The following ADCY2 variants were observed in gnomAD, a reference collection of about 807,000 sequenced individuals.
ADCY2 encodes adenylate cyclase type 2.
In ADCY2, 31 loss-of-function variants were observed where a neutral mutation model predicts 125.2. That is an observed-to-expected ratio of 0.25 (90% CI 0.19 to 0.33). ADCY2 has a LOEUF of 0.33. Ranked by LOEUF, ADCY2 falls within the 10% of genes least tolerant of loss-of-function variation. The probability of loss-of-function intolerance (pLI) is 1.00; values close to 1 mark genes in which losing one functional copy is unlikely to be tolerated. For missense variants in ADCY2, 904 were observed against 1,418.2 expected, an observed-to-expected ratio of 0.64 and a Z score of 5.82; for synonymous variants, 512 against 548.4, an observed-to-expected ratio of 0.93 and a Z score of 0.93.
intron 3 of ADCY2, among the ~76,000 whole-genome samples, chr5:7,623,698 A>G (rs1382468478): frequency 6.6e-6 from 1 of 152,220 alleles, no homozygotes; most frequent in Non-Finnish European, 1.5e-5. Context: ...GAAGACTGCC[A>G]CATTGCTCTG....
chr5:7,476,624 C>T (rs941200789), intron 2 of ADCY2, among the ~76,000 whole-genome samples: 4 of 152,090 alleles, frequency 2.6e-5, no homozygotes, highest in Non-Finnish European at 4.4e-5. Context: ...AGTGACCTGC[C>T]GATGGAGACC....
At chr5:7,438,926 C>T (rs1027058207) in intron 2 of ADCY2, among the ~76,000 whole-genome samples, 2 of 152,080 alleles carry the variant, frequency 1.3e-5, no homozygotes, top group African/African-American at 2.4e-5. Flanking sequence ...GGACACAGCA[C>T]GTTGAGCAGT....
intron 4 of ADCY2, among the ~76,000 whole-genome samples, chr5:7,657,131 A>G (rs192839836): frequency 2.0e-5 from 3 of 152,240 alleles, no homozygotes; most frequent in Non-Finnish European, 1.5e-5. Flanking sequence ...TCATTTGTAT[A>G]TGCAAATATT....
At chr5:7,511,851 A>C (rs1255861675) in intron 2 of ADCY2, among the ~76,000 whole-genome samples, 1 of 151,990 alleles carries the variant, frequency 6.6e-6, no homozygotes, top group African/African-American at 2.4e-5. Flanking sequence ...GAGACTGGAG[A>C]TAGCACCAGG....
chr5:7,707,202 T>C (rs559938931), intron 8 of ADCY2, among the ~76,000 whole-genome samples: 14 of 152,218 alleles, frequency 9.2e-5, no homozygotes, highest in Non-Finnish European at 1.6e-4. Flanking sequence ...TACAAAACAG[T>C]CCAGATATGG....
intron 3 of ADCY2, among the ~76,000 whole-genome samples, chr5:7,588,794 G>A (rs1015987800): frequency 2.0e-5 from 3 of 152,100 alleles, no homozygotes; most frequent in Non-Finnish European, 2.9e-5. Flanking sequence ...TAGCTCTTGG[G>A]CTGTACAAAA....
intron 3 of ADCY2, among the ~76,000 whole-genome samples, chr5:7,539,374 C>A (rs1303153144): frequency 6.6e-6 from 1 of 151,340 alleles, no homozygotes; most frequent in Non-Finnish European, 1.5e-5. Flanking sequence ...AAAAATAAAA[C>A]CTCATGTACC....
chr5:7,464,660 G>A (rs1249666381), intron 2 of ADCY2, among the ~76,000 whole-genome samples: 1 of 152,122 alleles, frequency 6.6e-6, no homozygotes, highest in East Asian at 1.9e-4. Context: ...TACTCGATAT[G>A]CAGTCAAAAA....
At chr5:7,590,678 A>G (rs73739857) in intron 3 of ADCY2, among the ~76,000 whole-genome samples, 2,047 of 152,262 alleles carry the variant, frequency 0.013, 40 homozygotes, top group African/African-American at 0.047. Context: ...AAATTATTTG[A>G]CAAGACCATA....
chr5:7,819,867 C>T (rs1242333263), intron 23 of ADCY2, among the ~76,000 whole-genome samples: 1 of 152,204 alleles, frequency 6.6e-6, no homozygotes, highest in Non-Finnish European at 1.5e-5. Context: ...CCTACACTAA[C>T]TAGAGATGGC....
intron 2 of ADCY2, among the ~76,000 whole-genome samples, chr5:7,432,926 G>A (rs1740661600): frequency 6.6e-6 from 1 of 151,410 alleles, no homozygotes; most frequent in African/African-American, 2.4e-5. Flanking sequence ...ACTGCATGAT[G>A]TACTGCTTAT....
At chr5:7,489,652 T>C (rs907939148) in intron 2 of ADCY2, among the ~76,000 whole-genome samples, 3 of 152,190 alleles carry the variant, frequency 2.0e-5, no homozygotes, top group Admixed American at 2.0e-4. Context: ...TGTCGAACTG[T>C]GAGTAAATTA....
At chr5:7,774,833 C>G (rs974215050) in intron 18 of ADCY2, among the ~76,000 whole-genome samples, 3 of 152,174 alleles carry the variant, frequency 2.0e-5, no homozygotes, top group Non-Finnish European at 2.9e-5. Context: ...ACCTGTCTCT[C>G]ACTTCCTAAT....
intron 2 of ADCY2, among the ~76,000 whole-genome samples, chr5:7,459,467 C>G (rs549621439): frequency 1.3e-5 from 2 of 152,164 alleles, no homozygotes; most frequent in African/African-American, 2.4e-5. Context: ...CCACAGCTCA[C>G]GTTTCGAAGA....
intron 2 of ADCY2, among the ~76,000 whole-genome samples, chr5:7,467,951 G>A (rs1742186182): frequency 6.6e-6 from 1 of 152,156 alleles, no homozygotes; most frequent in South Asian, 2.1e-4. Context: ...CAAATACAAT[G>A]AAAAGAAAAA....
intron 4 of ADCY2, among the ~76,000 whole-genome samples, chr5:7,674,186 G>T (rs1740039072): frequency 6.6e-6 from 1 of 152,170 alleles, no homozygotes; most frequent in Non-Finnish European, 1.5e-5. Flanking sequence ...TCGTGGTGAG[G>T]TTGTTTTCTG....
chr5:7,715,833 A>G (rs1265337608), intron 11 of ADCY2, among the ~76,000 whole-genome samples: 1 of 152,206 alleles, frequency 6.6e-6, no homozygotes, highest in African/African-American at 2.4e-5. Flanking sequence ...GAGACTTTGC[A>G]TATTTAATGC....
intron 14 of ADCY2, among the ~76,000 whole-genome samples, chr5:7,732,449 G>C (rs1483957648): frequency 6.6e-6 from 1 of 152,198 alleles, no homozygotes; most frequent in East Asian, 1.9e-4. Context: ...TACACCAAGA[G>C]GTATTAGTCC....
At chr5:7,433,523 A>G (rs1740685045) in intron 2 of ADCY2, among the ~76,000 whole-genome samples, 1 of 152,170 alleles carries the variant, frequency 6.6e-6, no homozygotes, top group South Asian at 2.1e-4. Flanking sequence ...TTACTTCCTG[A>G]GGAGGGACGT....
Sources: gnomAD v4.1 joint callset for allele counts (sites outside exome capture counted in the v4.1 genomes callset) on GRCh38, gnomAD v4.1.1 for gene constraint, MANE v1.5 for transcripts, NCBI Gene and HGNC (gene_info 2026-07-23, HGNC 2026-07-21) for gene names.